Variants in PLD1 observed in about 807,000 individuals in gnomAD.
The protein encoded by PLD1 is choline phosphatase 1.
Under a neutral mutation model 137.1 loss-of-function variants are expected in PLD1, and 112 were observed. That is an observed-to-expected ratio of 0.82 (90% CI 0.70 to 0.96). PLD1 has a LOEUF of 0.96. PLD1 is among the 40% of genes least tolerant of loss of function. The pLI is 0.00. For missense variants in PLD1, 1,321 were observed against 1,342.0 expected (o/e 0.98, Z 0.24); for synonymous variants, 431 against 454.7 (o/e 0.95, Z 0.66).
intron 1 of PLD1, among the ~76,000 whole-genome samples, chr3:171,805,467 AC>A (rs1309869957): frequency 1.3e-5 from 2 of 152,030 alleles, no homozygotes; most frequent in Non-Finnish European, 2.9e-5. Context: ...TGCACATAAC[AC>A]CCAACCCCTT....
At chr3:171,799,800 C>T (rs1723574664) in intron 1 of PLD1, among the ~76,000 whole-genome samples, 1 of 152,206 alleles carries the variant, frequency 6.6e-6, no homozygotes, top group African/African-American at 2.4e-5. Flanking sequence ...TCTCCCTCCC[C>T]AAACCCATCA....
At chr3:171,658,558 C>A (rs7614707) in intron 21 of PLD1, among the ~76,000 whole-genome samples, 70,238 of 151,932 alleles carry the variant, frequency 0.46, 16,609 homozygotes, top group African/African-American at 0.55. Context: ...ATAAAAGACC[C>A]CATATTGTGT....
chr3:171,605,648 A>G (rs1353585403), intron 25 of PLD1, among the ~76,000 whole-genome samples: 2 of 152,252 alleles, frequency 1.3e-5, no homozygotes, highest in African/African-American at 4.8e-5. Context: ...TCAAGCAAAC[A>G]AGACAAGTTT....
At chr3:171,751,873 G>T (rs988964495) in intron 1 of PLD1, among the ~76,000 whole-genome samples, 1 of 152,028 alleles carries the variant, frequency 6.6e-6, no homozygotes, top group African/African-American at 2.4e-5. Context: ...GGTGATGGGC[G>T]CCTGTAGTGC....
At chr3:171,749,523 G>A (rs1450700645) in intron 1 of PLD1, among the ~76,000 whole-genome samples, 1 of 152,192 alleles carries the variant, frequency 6.6e-6, no homozygotes, top group African/African-American at 2.4e-5. Context: ...TTCAGTAATT[G>A]AGGTAGTGCT....
Position 171,734,932 on chromosome 3 carries a change from C to T in PLD1, c.473G>A (p.Arg158Gln), listed in dbSNP as rs779941959. Reference sequence around the variant, plus strand: ...TGAACGGGGCAAACTGGGCATCTCTCGAGGCTCCTCTCTGACGTTTTGCCT... The same window carrying T: ...TGAACGGGGCAAACTGGGCATCTCTTGAGGCTCCTCTCTGACGTTTTGCCT... Reference protein sequence around the residue: ...FRRQNVREEPREMPSLPRSSE... With the variant: ...FRRQNVREEPQEMPSLPRSSE... The change falls in exon 5 of 27, where the codon CGA becomes CAA. Residue 158 changes from arginine (R) to glutamine (Q), a missense_variant. Transcript: ENST00000351298. 6.2e-6 allele frequency: 10 copies of T among 1,613,288 alleles called. No homozygotes were observed. The East Asian group carries it at 8.9e-5, about 14-fold the overall frequency.
intron 23 of PLD1, among the ~76,000 whole-genome samples, chr3:171,642,325 C>T (rs762674018): frequency 6.6e-6 from 1 of 151,600 alleles, no homozygotes; most frequent in Non-Finnish European, 1.5e-5. Flanking sequence ...GGCATGGTGG[C>T]GCACACCTGT....
intron 23 of PLD1, among the ~76,000 whole-genome samples, chr3:171,625,536 C>T (rs574027597): frequency 1.1e-4 from 17 of 152,314 alleles, no homozygotes; most frequent in East Asian, 5.8e-4. Context: ...GATCTGAGAA[C>T]GGGCAGACTG....
chr3:171,725,542 A>G (rs1718440269), intron 7 of PLD1, among the ~76,000 whole-genome samples: 3 of 152,276 alleles, frequency 2.0e-5, no homozygotes, highest in African/African-American at 2.4e-5. Flanking sequence ...GCTCTTAACT[A>G]GAACTTGAAA....
chr3:171,719,032 A>G (rs1156998687), intron 8 of PLD1, among the ~76,000 whole-genome samples: 2 of 152,160 alleles, frequency 1.3e-5, no homozygotes. Context: ...TCTCAGCCTC[A>G]TCTACTATTG....
chr3:171,706,591 T>G (rs997534757), intron 11 of PLD1, among the ~76,000 whole-genome samples: 4 of 152,230 alleles, frequency 2.6e-5, no homozygotes, highest in Non-Finnish European at 5.9e-5. Flanking sequence ...TGTATTCTCC[T>G]GTTTTATTAA....
At chr3:171,742,203 C>G (rs1390362152) in intron 1 of PLD1, among the ~76,000 whole-genome samples, 1 of 152,062 alleles carries the variant, frequency 6.6e-6, no homozygotes, top group Non-Finnish European at 1.5e-5. Context: ...CACTGGGAGA[C>G]TTTTACAATT....
At chr3:171,744,702 A>G (rs951542696) in intron 1 of PLD1, among the ~76,000 whole-genome samples, 2 of 152,246 alleles carry the variant, frequency 1.3e-5, no homozygotes, top group Non-Finnish European at 2.9e-5. Flanking sequence ...ACACATCTAT[A>G]ATGACATAAA....
At chr3:171,779,104 G>A (rs1161877689) in intron 1 of PLD1, among the ~76,000 whole-genome samples, 1 of 152,110 alleles carries the variant, frequency 6.6e-6, no homozygotes, top group East Asian at 1.9e-4. Context: ...CAGGAGAATC[G>A]CTTGAACCCA....
chr3:171,631,925 T>A (rs528979511), intron 23 of PLD1, among the ~76,000 whole-genome samples: 1 of 152,336 alleles, frequency 6.6e-6, no homozygotes, highest in South Asian at 2.1e-4. Flanking sequence ...CACAGAATAA[T>A]TAACGCATGC....
intron 12 of PLD1, 137 bp from the exon 13 acceptor site, chr3:171,692,579 G>A (rs1466594740): frequency 1.7e-6 from 1 of 579,478 alleles, no homozygotes; most frequent in Non-Finnish European, 3.1e-6. Context: ...GGAGTGCAGT[G>A]GCGCAATCTC....
In PLD1 at chr3:171,603,167, G is replaced by C. The variant is rs760611635; in HGVS notation, c.3136C>G (p.Gln1046Glu). Residue 1046 changes from glutamine to glutamate, a missense_variant, in exon 27 of 27, where the codon CAA becomes GAA. Physicochemically the swap from Gln to Glu is conservative, Grantham distance 29. Coordinates refer to ENST00000351298, the MANE Select transcript of PLD1 (RefSeq NM_002662.5). ...ELKKIRGFLV[Q>E]FPFYFLSEES... ...TCAGACAAGAAATAAAAGGGGAATT[G>C]CACCAAAAATCCACGGATCTTCTTC... The C allele has an allele frequency of 1.9e-6, 3 of 1,614,098 alleles. No homozygotes were observed. The highest frequency in any genetic ancestry group is 1.7e-6 in the Non-Finnish European group (2 of 1,179,976).
At chr3:171,736,858 C>G (rs1719396752) in intron 3 of PLD1, among the ~76,000 whole-genome samples, 2 of 152,200 alleles carry the variant, frequency 1.3e-5, no homozygotes, top group Admixed American at 6.5e-5. Flanking sequence ...CAGCCAGGAA[C>G]AGAGAAAAGT....
intron 19 of PLD1, among the ~76,000 whole-genome samples, chr3:171,672,631 G>A (rs1712899062): frequency 6.6e-6 from 1 of 151,926 alleles, no homozygotes; most frequent in South Asian, 2.1e-4. Flanking sequence ...GGGACCGCAA[G>A]CATGTGCCAC....
Sources: allele counts gnomAD v4.1 joint callset (sites outside exome capture counted in the v4.1 genomes callset), GRCh38; gene constraint gnomAD v4.1.1; transcripts MANE v1.5; gene names NCBI Gene and HGNC (gene_info 2026-07-23, HGNC 2026-07-21).